The following CTNNA3 variants were observed in gnomAD, a reference collection of about 807,000 sequenced individuals.
CTNNA3 encodes catenin alpha 3.
CTNNA3 carries 76 observed loss-of-function variants against 95.7 expected under a neutral mutation model. The observed-to-expected ratio is 0.79, with a 90% CI of 0.66 to 0.96. The LOEUF (loss-of-function observed/expected upper bound fraction) is 0.96. CTNNA3 is among the 40% of genes least tolerant of loss of function. The probability of loss-of-function intolerance (pLI) is 0.00; values close to 1 mark genes in which losing one functional copy is unlikely to be tolerated. For missense variants in CTNNA3, 1,191 were observed against 1,089.8 expected, an observed-to-expected ratio of 1.09 and a Z score of -1.31; for synonymous variants, 431 against 374.4, an observed-to-expected ratio of 1.15 and a Z score of -1.74.
intron 5 of CTNNA3, among the ~76,000 whole-genome samples, chr10:67,352,155 C>G (rs978655050): frequency 6.6e-6 from 1 of 151,874 alleles, no homozygotes; most frequent in African/African-American, 2.4e-5. Context: ...GAAGTGTGAT[C>G]GGGTACGGGG....
chr10:66,547,917 AT>A (rs762970605), intron 10 of CTNNA3, among the ~76,000 whole-genome samples: 1,425 of 140,536 alleles, frequency 0.01, 6 homozygotes, highest in African/African-American at 0.015. Flanking sequence ...TTAGTATCTG[AT>A]TTTTTTTTTT....
At chr10:66,598,389 T>C (rs1291417800) in intron 10 of CTNNA3, among the ~76,000 whole-genome samples, 1 of 151,950 alleles carries the variant, frequency 6.6e-6, no homozygotes, top group Non-Finnish European at 1.5e-5. Context: ...CTATCCAACA[T>C]TGTACTGGAA....
chr10:67,639,886 C>T (rs112298435), intron 2 of CTNNA3, among the ~76,000 whole-genome samples: 20,217 of 152,044 alleles, frequency 0.13, 2,414 homozygotes, highest in African/African-American at 0.32. Context: ...TATGACCAAC[C>T]GACAGCCAAT....
intron 9 of CTNNA3, among the ~76,000 whole-genome samples, chr10:66,738,760 G>A (rs1849230530): frequency 6.6e-6 from 1 of 152,180 alleles, no homozygotes; most frequent in Non-Finnish European, 1.5e-5. Flanking sequence ...CAGATTAAGT[G>A]AGATTGTATC....
intron 3 of CTNNA3, among the ~76,000 whole-genome samples, chr10:67,596,052 C>A (rs960099881): frequency 3.9e-5 from 6 of 152,120 alleles, no homozygotes; most frequent in African/African-American, 1.4e-4. Context: ...TTGAAGACAG[C>A]ATGCAGTTGG....
intron 13 of CTNNA3, among the ~76,000 whole-genome samples, chr10:66,168,694 C>T (rs113501312): frequency 3.7e-4 from 56 of 152,238 alleles, no homozygotes; most frequent in African/African-American, 1.3e-3. Flanking sequence ...TATTATAGTA[C>T]TTACTAGTAA....
At chr10:66,891,902 G>GT (rs1845282816) in intron 7 of CTNNA3, among the ~76,000 whole-genome samples, 1 of 151,872 alleles carries the variant, frequency 6.6e-6, no homozygotes, top group African/African-American at 2.4e-5. Flanking sequence ...GGCACCATAA[G>GT]TTCAGATAAG....
At chr10:66,279,072 T>A (rs1385272424) in intron 13 of CTNNA3, among the ~76,000 whole-genome samples, 1 of 152,070 alleles carries the variant, frequency 6.6e-6, no homozygotes, top group African/African-American at 2.4e-5. Flanking sequence ...GTAATTGGTT[T>A]GCTTTCAGGT....
chr10:66,364,791 C>A (rs2132442185), intron 12 of CTNNA3, among the ~76,000 whole-genome samples: 1 of 152,152 alleles, frequency 6.6e-6, no homozygotes, highest in East Asian at 1.9e-4. Flanking sequence ...TTTTGGTTTT[C>A]CATATTTCCT....
chr10:65,931,933 G>A (rs2077259530), intron 17 of CTNNA3, among the ~76,000 whole-genome samples: 1 of 152,168 alleles, frequency 6.6e-6, no homozygotes, highest in Non-Finnish European at 1.5e-5. Context: ...CCCAGGCATT[G>A]GAATTCAGCA....
intron 10 of CTNNA3, among the ~76,000 whole-genome samples, chr10:66,569,625 T>C (rs1398809209): frequency 6.6e-6 from 1 of 152,148 alleles, no homozygotes; most frequent in Non-Finnish European, 1.5e-5. Context: ...TGAACTTTGA[T>C]GGTAGGTGTT....
chr10:66,675,506 G>T (rs1326990128), intron 9 of CTNNA3, among the ~76,000 whole-genome samples: 3 of 152,066 alleles, frequency 2.0e-5, no homozygotes, highest in Non-Finnish European at 4.4e-5. Flanking sequence ...TCTATGTAAT[G>T]TCATGTTAAG....
chr10:66,923,278 G>A (rs903840624), intron 7 of CTNNA3, among the ~76,000 whole-genome samples: 1 of 152,192 alleles, frequency 6.6e-6, no homozygotes, highest in Admixed American at 6.5e-5. Flanking sequence ...AAAGCAAAGT[G>A]AGAGCCCACA....
intron 9 of CTNNA3, among the ~76,000 whole-genome samples, chr10:66,669,749 T>C (rs959815661): frequency 1.3e-5 from 2 of 152,102 alleles, no homozygotes; most frequent in African/African-American, 4.8e-5. Flanking sequence ...GCATGAATTT[T>C]CCAAGCTTTG....
At chr10:66,752,046 A>G (rs1295307218) in intron 9 of CTNNA3, among the ~76,000 whole-genome samples, 1 of 152,182 alleles carries the variant, frequency 6.6e-6, no homozygotes, top group Non-Finnish European at 1.5e-5. Context: ...TAACGATTCA[A>G]TATGATTTCT....
At chr10:66,671,850 C>T (rs1164833328) in intron 9 of CTNNA3, among the ~76,000 whole-genome samples, 1 of 152,174 alleles carries the variant, frequency 6.6e-6, no homozygotes, top group Admixed American at 6.6e-5. Context: ...ACACATTACT[C>T]CCAGGGTTGC....
chr10:67,584,815 A>T (rs1842564395), intron 3 of CTNNA3, among the ~76,000 whole-genome samples: 1 of 152,128 alleles, frequency 6.6e-6, no homozygotes. Flanking sequence ...TTCCATCTCA[A>T]ACTGTGTGCT....
At chr10:65,955,526 G>C (rs916632200) in intron 17 of CTNNA3, among the ~76,000 whole-genome samples, 1 of 152,154 alleles carries the variant, frequency 6.6e-6, no homozygotes, top group Non-Finnish European at 1.5e-5. Context: ...CTGAGGGTTT[G>C]TCATAAATAG....
intron 9 of CTNNA3, among the ~76,000 whole-genome samples, chr10:66,756,159 T>G (rs960043821): frequency 6.6e-6 from 1 of 152,130 alleles, no homozygotes; most frequent in Admixed American, 6.6e-5. Context: ...ATGATCTGAC[T>G]AGACCAATAG....
Sources: allele counts gnomAD v4.1 joint callset (sites outside exome capture counted in the v4.1 genomes callset), GRCh38; gene constraint gnomAD v4.1.1; transcripts MANE v1.5; gene names NCBI Gene and HGNC (gene_info 2026-07-23, HGNC 2026-07-21).